CDC42BPB: variants seen among roughly 807,000 people sequenced by gnomAD.
CDC42BPB encodes CDC42 binding protein kinase beta, also known as serine/threonine-protein kinase MRCK beta.
A neutral mutation model predicts 214.9 loss-of-function variants in CDC42BPB; 37 were observed. The observed-to-expected ratio is 0.17, with a 90% CI of 0.13 to 0.23. The LOEUF (loss-of-function observed/expected upper bound fraction) is 0.23, where lower values mean the gene tolerates loss of function less well. CDC42BPB is among the 10% of genes least tolerant of loss of function. The pLI is 1.00. For synonymous variants in CDC42BPB, 931 were observed against 884.0 expected, an observed-to-expected ratio of 1.05 and a Z score of -0.94; for missense variants, 1,694 against 2,227.0, an observed-to-expected ratio of 0.76 and a Z score of 4.82.
rs759926012 is a variant in CDC42BPB at position 102,944,300 on chromosome 14, C to T, written c.3999G>A (p.Thr1333=). 4.3e-6 allele frequency: 7 copies of T among 1,613,030 alleles called. No individual in the cohort carries two copies. The highest frequency in any genetic ancestry group is 2.7e-5 in the African/African-American group (2 of 75,052). Residue 1333 remains threonine, a synonymous_variant, in exon 30 of 37, where the codon ACG becomes ACA. Transcript: ENST00000361246. This position sits in a 1 kb window ranked among gnomAD's most constrained non-coding sequence, Gnocchi z 6.6. Reference sequence around the variant, plus strand: ...TGCCAGAGTTCCTCTTGAGTGTGGCCGTGGCCATGAGCTGGCAGCCTTTGG... The same window carrying T: ...TGCCAGAGTTCCTCTTGAGTGTGGCTGTGGCCATGAGCTGGCAGCCTTTGG... ...PETKGCQLMA[T]ATLKRNSGTC...
At chr14:102,982,766 A>C (rs1448219503) in intron 7 of CDC42BPB, among the ~76,000 whole-genome samples, 1 of 151,990 alleles carries the variant, frequency 6.6e-6, no homozygotes, top group African/African-American at 2.4e-5. Flanking sequence ...GTCTCAAAAA[A>C]AAAGATAAAA....
chr14:102,945,091 G>A (rs933085013), intron 29 of CDC42BPB: 21 of 360,264 alleles, frequency 5.8e-5, no homozygotes, highest in South Asian at 4.1e-4. Context: ...GTACGGCCTC[G>A]CCCAGCGGCT....
chr14:103,036,329 G>T (rs111620228), intron 1 of CDC42BPB, among the ~76,000 whole-genome samples: 3 of 151,108 alleles, frequency 2.0e-5, no homozygotes, highest in Non-Finnish European at 4.4e-5. Context: ...ATTTTTTTTT[G>T]TATTTTTAGT....
At chr14:103,010,848 G>C (rs1886116645) in intron 2 of CDC42BPB, among the ~76,000 whole-genome samples, 1 of 152,142 alleles carries the variant, frequency 6.6e-6, no homozygotes. Context: ...TGGCTAACAC[G>C]GTGAAACCCC....
At chr14:103,047,661 G>A (rs1888368567) in intron 1 of CDC42BPB, among the ~76,000 whole-genome samples, 1 of 152,084 alleles carries the variant, frequency 6.6e-6, no homozygotes. Context: ...CCTGACACTT[G>A]GGGAGGCCGA....
intron 3 of CDC42BPB, among the ~76,000 whole-genome samples, chr14:103,006,015 CAAA>C (rs1172933917): frequency 6.9e-5 from 4 of 58,122 alleles, no homozygotes; most frequent in African/African-American, 1.6e-4. Flanking sequence ...AGAGACGTCT[CAAA>C]AAAAAAAAAA....
chr14:102,969,936 A>G (rs1893398831), intron 14 of CDC42BPB, among the ~76,000 whole-genome samples: 1 of 152,242 alleles, frequency 6.6e-6, no homozygotes, highest in Non-Finnish European at 1.5e-5. Context: ...ACTTTTATAT[A>G]ACAAAGGAAA....
chr14:102,937,420 G>A (rs1014047454), intron 36 of CDC42BPB, among the ~76,000 whole-genome samples: 67 of 152,250 alleles, frequency 4.4e-4, no homozygotes, highest in Admixed American at 3.8e-3. Flanking sequence ...CTGCCCGTCC[G>A]TTCGGCAGCT....
chr14:102,941,127 CCTCT>C (rs1297637471), intron 30 of CDC42BPB: 4 of 985,426 alleles, frequency 4.1e-6, no homozygotes, highest in Non-Finnish European at 4.8e-6. Context: ...CCGCTCAGTC[CCTCT>C]GTGTGGGTGG....
At chr14:102,942,710 AGTTT>A (rs1010837049) in intron 30 of CDC42BPB, among the ~76,000 whole-genome samples, 20 of 151,878 alleles carry the variant, frequency 1.3e-4, no homozygotes, top group East Asian at 3.9e-4. Context: ...GTGCCTGGCT[AGTTT>A]GTTTGTTTGA....
chr14:102,954,827 C>T, intron 21 of CDC42BPB, 139 bp from the exon 22 acceptor site: 1 of 1,448,208 alleles, frequency 6.9e-7, no homozygotes, highest in Non-Finnish European at 9.1e-7. Context: ...TGGATCCTAT[C>T]ACCCCTTGGG....
intron 15 of CDC42BPB, 54 bp from the exon 16 acceptor site, chr14:102,968,412 G>A (rs985668803): frequency 3.3e-5 from 54 of 1,612,922 alleles, no homozygotes; most frequent in African/African-American, 4.0e-5. Flanking sequence ...ACTGATATTC[G>A]TATCTATGGC....
At chr14:102,977,398 A>G (rs1235751456) in intron 9 of CDC42BPB, among the ~76,000 whole-genome samples, 1 of 151,718 alleles carries the variant, frequency 6.6e-6, no homozygotes, top group Non-Finnish European at 1.5e-5. Flanking sequence ...GACATTTTCA[A>G]CTGTGGTTCC....
At chr14:103,005,486 T>A (rs1240841458) in intron 3 of CDC42BPB, among the ~76,000 whole-genome samples, 1 of 151,580 alleles carries the variant, frequency 6.6e-6, no homozygotes, top group East Asian at 1.9e-4. Context: ...GGCGGGAGGA[T>A]CACTTGAGCC....
intron 1 of CDC42BPB, among the ~76,000 whole-genome samples, chr14:103,015,543 A>T (rs1203400718): frequency 6.6e-6 from 1 of 152,356 alleles, no homozygotes; most frequent in East Asian, 1.9e-4. Flanking sequence ...TAGAAAGGAA[A>T]GCCGCATCAC....
In CDC42BPB at chr14:102,944,697, C is replaced by T. The variant is rs1442639531; in HGVS notation, c.3812-210G>A. On this transcript the variant is annotated intron_variant, in intron 29 of 36. Transcript: ENST00000361246. This position sits in a 1 kb window ranked among gnomAD's most constrained non-coding sequence, Gnocchi z 6.6. ...CCCCGGAGAAGCTGCCCCACATCCA[C>T]AGCGCGCTCCTGGGGCAGCCTCGGG... The T allele has an allele frequency of 3.0e-6, 3 of 984,514 alleles. No homozygotes were observed. Among genetic ancestry groups the T allele is most frequent in the Non-Finnish European group, 3.6e-6 (3 of 829,206 alleles). The allele number at this position is 984,514 out of a possible 1,614,324, so 61.0% of individuals were successfully genotyped here.
intron 5 of CDC42BPB, among the ~76,000 whole-genome samples, chr14:102,987,398 A>T (rs1478349259): frequency 6.6e-6 from 1 of 152,272 alleles, no homozygotes. Context: ...AATGCAAACA[A>T]ACTTTAAAAA....
intron 30 of CDC42BPB, chr14:102,941,244 T>G: frequency 1.0e-6 from 1 of 985,440 alleles, no homozygotes; most frequent in Non-Finnish European, 1.2e-6. Context: ...GCAAGAGAGC[T>G]CCAGCTCAGT....
Position 102,932,885 on chromosome 14 carries a change from G to GT in CDC42BPB, c.*826_*827insA, listed in dbSNP as rs1170406298. 8.2e-6 allele frequency: 1 copy of GT among 122,530 alleles called. No individual in the cohort carries two copies. Among genetic ancestry groups the GT allele is most frequent in the Admixed American group, 7.7e-5 (1 of 13,026 alleles). 7.6% of individuals were successfully genotyped at this position (122,530 alleles called of 1,614,324 possible). A position where few individuals can be genotyped will look rare whatever the true frequency, so the allele number is the denominator to read the frequency against. On this transcript the variant is annotated 3_prime_UTR_variant, in exon 37 of 37. Coordinates refer to ENST00000361246, the MANE Select transcript of CDC42BPB (RefSeq NM_006035.4). The stretch of plus-strand genomic sequence containing the variant: ...CGGGGGCAGGACTGGTGGGGGGGGG[G>GT]GCGGGCAGGGCGGGGCGGGGTGGGG...
Sources: gnomAD v4.1 joint callset for allele counts (sites outside exome capture counted in the v4.1 genomes callset) on GRCh38, gnomAD v4.1.1 for gene constraint, Gnocchi (gnomAD v3.1) non-coding constraint, MANE v1.5 for transcripts, NCBI Gene and HGNC (gene_info 2026-07-23, HGNC 2026-07-21) for gene names.